ANKS1A: variants seen among roughly 807,000 people sequenced by gnomAD.
ANKS1A encodes ankyrin repeat and SAM domain-containing protein 1A.
ANKS1A carries 55 observed loss-of-function variants against 120.3 expected under a neutral mutation model. The observed-to-expected ratio is 0.46, with a 90% CI of 0.37 to 0.57. The LOEUF (loss-of-function observed/expected upper bound fraction) is 0.57. Among genes scored for constraint, ANKS1A ranks in the 20% least tolerant of loss-of-function variants. The pLI is 0.00. For synonymous variants in ANKS1A, 590 were observed against 604.7 expected, an observed-to-expected ratio of 0.98 and a Z score of 0.36; for missense variants, 1,123 against 1,480.3, an observed-to-expected ratio of 0.76 and a Z score of 3.96.
chr6:34,976,387 C>T (rs973624273), intron 3 of ANKS1A, among the ~76,000 whole-genome samples: 1 of 152,052 alleles, frequency 6.6e-6, no homozygotes, highest in African/African-American at 2.4e-5. Context: ...CGGTGTAAAC[C>T]AGCCAAATGT....
At chr6:34,967,529 A>G (rs942355420) in intron 2 of ANKS1A, among the ~76,000 whole-genome samples, 2 of 151,602 alleles carry the variant, frequency 1.3e-5, no homozygotes, top group African/African-American at 4.9e-5. Context: ...CCACAAAAAA[A>G]AAAAAAAAAA....
In ANKS1A at chr6:35,087,049, A is replaced by C. The variant is rs776910160; in HGVS notation, c.3401A>C (p.Asn1134Thr). The change falls in exon 23 of 24, where the codon AAC becomes ACC. Residue 1134 changes from asparagine to threonine, a missense_variant and splice_region_variant. This residue lies in a region of ANKS1A where 904 missense variants were observed against 1,130.4 expected (regional missense o/e 0.80). Transcript: ENST00000360359. ...GACTCTAAGCGGAGCCTCAGCACCAAGTATGAGACCACTATCTTCTAAAAC... is the reference window on the plus strand; with the variant it reads ...GACTCTAAGCGGAGCCTCAGCACCACGTATGAGACCACTATCTTCTAAAAC... ...KPDSKRSLSTN is the reference protein window; with the variant it reads ...KPDSKRSLSTT 1 of 1,613,982 alleles carries C rather than the reference A, an allele frequency of 6.2e-7. No individual in the cohort carries two copies. The highest frequency in any genetic ancestry group is 8.5e-7 in the Non-Finnish European group (1 of 1,179,866).
At chr6:35,092,681 C>T (rs187711619), downstream of ANKS1A, among the ~76,000 whole-genome samples, 138 of 152,340 alleles carry the variant, frequency 9.1e-4, no homozygotes, top group Admixed American at 5.2e-3. Flanking sequence ...ATCAGGGCAC[C>T]AGGACACATA....
At chr6:35,093,533 C>G (rs573853208), downstream of ANKS1A, among the ~76,000 whole-genome samples, 1 of 152,162 alleles carries the variant, frequency 6.6e-6, no homozygotes, top group Non-Finnish European at 1.5e-5. Context: ...TTCTGCATAG[C>G]AAAATGCACC....
chr6:34,890,538 AG>A (rs1257707093), intron 1 of ANKS1A, among the ~76,000 whole-genome samples: 2 of 152,224 alleles, frequency 1.3e-5, no homozygotes, highest in Non-Finnish European at 2.9e-5. Flanking sequence ...GGATTCATCC[AG>A]GGGCTTATTC....
Position 34,889,578 on chromosome 6 carries a change from A to G in ANKS1A, c.176A>G (p.His59Arg). 1 of 1,294,084 alleles carries G rather than the reference A, an allele frequency of 7.7e-7. No homozygotes were observed. The highest frequency in any genetic ancestry group is 9.7e-7 in the Non-Finnish European group (1 of 1,031,534). The allele number at this position is 1,294,084 out of a possible 1,614,324, so 80.2% of individuals were successfully genotyped here. The change falls in exon 1 of 24, where the codon CAC becomes CGC. Residue 59 changes from histidine to arginine, a missense_variant. By Grantham distance (29) the His-to-Arg change is conservative. Coordinates refer to ENST00000360359, the MANE Select transcript of ANKS1A (RefSeq NM_015245.3). This position sits in a 1 kb window ranked among gnomAD's most constrained non-coding sequence, Gnocchi z 5.5. ...GGGGGLGSSS[H>R]PLSSLLSMWR... ...GGCGGCGGCCTCGGCTCTTCCAGCC[A>G]CCCCCTCTCCAGTCTGCTCAGGTGG...
At chr6:34,993,261 C>T (rs1242187859) in intron 9 of ANKS1A, among the ~76,000 whole-genome samples, 1 of 152,202 alleles carries the variant, frequency 6.6e-6, no homozygotes, top group Non-Finnish European at 1.5e-5. Context: ...AAAGCAAGGA[C>T]ATCCATTGTC....
chr6:34,933,630 A>G (rs967842989), intron 1 of ANKS1A, among the ~76,000 whole-genome samples: 2 of 152,226 alleles, frequency 1.3e-5, no homozygotes, highest in South Asian at 4.1e-4. Flanking sequence ...TCAGCCTCCC[A>G]AAGGGAAAAG....
chr6:35,006,274 G>A (rs1561907782), intron 10 of ANKS1A, among the ~76,000 whole-genome samples: 1 of 149,702 alleles, frequency 6.7e-6, no homozygotes, highest in South Asian at 2.1e-4. Context: ...GCTGAGAATC[G>A]CTTGAACCCA....
At chr6:34,992,231 C>G (rs1378017020) in intron 9 of ANKS1A, among the ~76,000 whole-genome samples, 1 of 152,188 alleles carries the variant, frequency 6.6e-6, no homozygotes, top group African/African-American at 2.4e-5. Context: ...GGTTTGTCAT[C>G]TACGAATGAA....
chr6:34,917,969 A>C (rs1006579017), intron 1 of ANKS1A, among the ~76,000 whole-genome samples: 40 of 151,602 alleles, frequency 2.6e-4, no homozygotes, highest in African/African-American at 8.5e-4. Flanking sequence ...GCCTTACTCA[A>C]CCCCCCTCAC....
At chr6:34,934,794 A>G (rs982513331) in intron 1 of ANKS1A, among the ~76,000 whole-genome samples, 3 of 152,082 alleles carry the variant, frequency 2.0e-5, no homozygotes, top group African/African-American at 7.2e-5. Context: ...AGCTAAAACA[A>G]TCTAGTCTTA....
chr6:35,068,517 C>T (rs1465174154), intron 13 of ANKS1A, among the ~76,000 whole-genome samples: 1 of 152,230 alleles, frequency 6.6e-6, no homozygotes, highest in Non-Finnish European at 1.5e-5. Flanking sequence ...CTCAGCTCTT[C>T]CTACCCTCCC....
the ANKS1A span, among the ~76,000 whole-genome samples, chr6:35,096,574 T>G: frequency 1.3e-5 from 2 of 152,240 alleles, no homozygotes; most frequent in Admixed American, 6.5e-5. Flanking sequence ...CCTTTGCTGA[T>G]TTCTGGAAAT....
intron 11 of ANKS1A, among the ~76,000 whole-genome samples, chr6:35,040,273 G>C (rs1440073869): frequency 6.6e-6 from 1 of 152,198 alleles, no homozygotes; most frequent in South Asian, 2.1e-4. Context: ...TAGCCCCTCC[G>C]AGCCTGAGTT....
chr6:35,009,710 C>A (rs2462007), intron 10 of ANKS1A, among the ~76,000 whole-genome samples: 22 of 151,800 alleles, frequency 1.4e-4, no homozygotes, highest in Admixed American at 3.9e-4. Flanking sequence ...CAAGACCAGT[C>A]TGGTCAACAT....
At chr6:35,016,743 G>T (rs1774022575) in intron 10 of ANKS1A, among the ~76,000 whole-genome samples, 1 of 139,552 alleles carries the variant, frequency 7.2e-6, no homozygotes, top group African/African-American at 2.7e-5. Flanking sequence ...GATTTTGGAA[G>T]AAGCAAGATG....
chr6:34,955,854 T>G (rs1770336081), intron 1 of ANKS1A, among the ~76,000 whole-genome samples: 1 of 152,202 alleles, frequency 6.6e-6, no homozygotes, highest in Non-Finnish European at 1.5e-5. Context: ...CTTTCAGAGG[T>G]GCTATTGAAA....
At chr6:34,915,984 A>G (rs1427548296) in intron 1 of ANKS1A, among the ~76,000 whole-genome samples, 2 of 123,780 alleles carry the variant, frequency 1.6e-5, no homozygotes, top group Admixed American at 8.2e-5. Flanking sequence ...TCATGTCTGG[A>G]TCTTTTTTTT....
Sources: gnomAD v4.1 joint callset for allele counts (sites outside exome capture counted in the v4.1 genomes callset) on GRCh38, gnomAD v4.1.1 for gene constraint, gnomAD v4.1.1 regional missense constraint, Gnocchi (gnomAD v3.1) non-coding constraint, MANE v1.5 for transcripts, NCBI Gene and HGNC (gene_info 2026-07-23, HGNC 2026-07-21) for gene names.